MTMR12: variants seen among roughly 807,000 people sequenced by gnomAD.
MTMR12 encodes myotubularin related protein 12, also known as myotubularin-related protein 12.
A neutral mutation model predicts 96.7 loss-of-function variants in MTMR12; 33 were observed. That is an observed-to-expected ratio of 0.34 (90% confidence interval 0.26 to 0.46). The LOEUF is 0.46. Among genes scored for constraint, MTMR12 ranks in the 20% least tolerant of loss-of-function variants. The pLI is 1.00. For missense variants in MTMR12, 721 were observed against 896.1 expected (o/e 0.80, Z 2.49); for synonymous variants, 298 against 327.2 (o/e 0.91, Z 0.96).
rs539863502 is a variant in MTMR12, at chr5:32,241,292, C to T, written c.1171+765G>A. Reference sequence around the variant, plus strand: ...AACAGAGCCCTGCACATGGCAGAGGCTCAATAAATGTATTCAAATCTAAGT... The same window carrying T: ...AACAGAGCCCTGCACATGGCAGAGGTTCAATAAATGTATTCAAATCTAAGT... On this transcript the variant is annotated intron_variant, in intron 12 of 15. Transcript: ENST00000382142. Among the ~76,000 whole-genome samples the T allele has an allele frequency of 8.5e-5, 13 of 152,280 alleles. No homozygotes were observed. The East Asian group carries it at 2.5e-3, about 29-fold the overall frequency.
intron 10 of MTMR12, among the ~76,000 whole-genome samples, chr5:32,246,170 G>GTTTTTTTTTTTTTGTTT (rs1554056247): frequency 3.6e-5 from 3 of 82,766 alleles, no homozygotes; most frequent in South Asian, 4.8e-4. Context: ...TGAGTAGACA[G>GTTTTTTTTTTTTTGTTT]TTTTTTTTTT....
At chr5:32,303,664 G>C (rs1042304269) in intron 1 of MTMR12, among the ~76,000 whole-genome samples, 3 of 152,018 alleles carry the variant, frequency 2.0e-5, no homozygotes, top group Non-Finnish European at 4.4e-5. Flanking sequence ...TGAATTTGTA[G>C]TTGATCAAAA....
chr5:32,266,878 G>C (rs1336766098), intron 6 of MTMR12, among the ~76,000 whole-genome samples: 1 of 151,334 alleles, frequency 6.6e-6, no homozygotes, highest in Non-Finnish European at 1.5e-5. Flanking sequence ...AGGAGTTAGA[G>C]ACCAGCCTGG....
chr5:32,229,818 G>A lies in MTMR12; in HGVS notation c.2204C>T (p.Ala735Val). Residue 735 changes from alanine to valine, a missense_variant, in exon 16 of 16, where the codon GCC becomes GTC. Coordinates refer to ENST00000382142, the MANE Select transcript of MTMR12 (RefSeq NM_001040446.3). ...WKALGDEDDL[A>V]KREDEFVDLG... ...GTCCACGAACTCATCTTCTCGTTTG[G>A]CCAAATCGTCTTCATCTCCCAAAGC... 1 of 1,568,676 alleles carries A rather than the reference G, an allele frequency of 6.4e-7. No homozygotes were observed. Among genetic ancestry groups the A allele is most frequent in the Non-Finnish European group, 8.6e-7 (1 of 1,158,112 alleles).
chr5:32,255,423 C>T (rs1198577604), intron 8 of MTMR12, among the ~76,000 whole-genome samples: 4 of 152,138 alleles, frequency 2.6e-5, no homozygotes, highest in Non-Finnish European at 2.9e-5. Context: ...AGTGTTAAAC[C>T]GGGCTTGCTT....
At chr5:32,271,028 C>T (rs1749812722) in intron 4 of MTMR12, 81 bp from the exon 5 acceptor site, 1 of 1,451,084 alleles carries the variant, frequency 6.9e-7, no homozygotes, top group Admixed American at 2.1e-5. Context: ...AGTAGATGAT[C>T]AACTTCTAGG....
chr5:32,241,807 T>C (rs1748485107), intron 12 of MTMR12, among the ~76,000 whole-genome samples: 2 of 152,240 alleles, frequency 1.3e-5, no homozygotes, highest in Admixed American at 6.5e-5. Context: ...AATGTGAGCT[T>C]TGGTAAAGAT....
In MTMR12 at chr5:32,262,020, C is replaced by T. The variant is rs184043109; in HGVS notation, c.713+1093G>A. Among the ~76,000 whole-genome samples the T allele has an allele frequency of 6.2e-3, 943 of 152,078 alleles. 7 individuals are homozygous for T. Among genetic ancestry groups the T allele is most frequent in the African/African-American group, 0.022 (894 of 41,492 alleles). On this transcript the variant is annotated intron_variant, in intron 7 of 15. Coordinates refer to ENST00000382142, the MANE Select transcript of MTMR12 (RefSeq NM_001040446.3). ...CCAGGAGGCGGAGCTTACAGTGGAC[C>T]GAGATCACGCCACTGCACTCCAGCC...
rs924438685 is a variant in MTMR12, at chr5:32,228,454, A to C, written c.*1324T>G. Reference sequence around the variant, plus strand: ...TTTTTCCTCTTTTATGCGATTTGACAGGGTTCCACTGAGAACAAAAAAATC... The same window carrying C: ...TTTTTCCTCTTTTATGCGATTTGACCGGGTTCCACTGAGAACAAAAAAATC... On this transcript the variant is annotated 3_prime_UTR_variant, in exon 16 of 16. Transcript: ENST00000382142. 2 of 149,868 alleles carry C rather than the reference A, an allele frequency of 1.3e-5. No homozygotes were observed. Among genetic ancestry groups the C allele is most frequent in the African/African-American group, 4.9e-5 (2 of 40,790 alleles). The allele number at this position is 149,868 out of a possible 1,614,324, so 9.3% of individuals were successfully genotyped here.
At chr5:32,280,939 A>C (rs957535538) in intron 1 of MTMR12, among the ~76,000 whole-genome samples, 2 of 151,944 alleles carry the variant, frequency 1.3e-5, no homozygotes, top group Non-Finnish European at 2.9e-5. Context: ...GTAAACAAAG[A>C]GTAGGGGAAT....
At chr5:32,277,927 T>C (rs920925522) in intron 1 of MTMR12, among the ~76,000 whole-genome samples, 1 of 152,178 alleles carries the variant, frequency 6.6e-6, no homozygotes, top group African/African-American at 2.4e-5. Flanking sequence ...TGGGACATTC[T>C]TTGTCCATTC....
intron 13 of MTMR12, among the ~76,000 whole-genome samples, chr5:32,236,847 A>AAAAAAG (rs1554054847): frequency 1.3e-5 from 2 of 151,620 alleles, no homozygotes; most frequent in African/African-American, 4.8e-5. Flanking sequence ...CCAAAAAAAA[A>AAAAAAG]AAAAGAAAAG....
At chr5:32,260,736 G>A (rs1394401048) in intron 7 of MTMR12, among the ~76,000 whole-genome samples, 2 of 148,724 alleles carry the variant, frequency 1.3e-5, no homozygotes, top group African/African-American at 2.4e-5. Context: ...GGGCGGGGGG[G>A]AGGGGGACCA....
intron 1 of MTMR12, among the ~76,000 whole-genome samples, chr5:32,283,429 A>C (rs899202733): frequency 1.1e-4 from 17 of 151,442 alleles, no homozygotes; most frequent in African/African-American, 4.1e-4. Flanking sequence ...TTTATTTATT[A>C]ACTCATTTAA....
intron 1 of MTMR12, among the ~76,000 whole-genome samples, chr5:32,306,637 T>C (rs1157078998): frequency 2.0e-5 from 3 of 152,190 alleles, no homozygotes; most frequent in African/African-American, 4.8e-5. Flanking sequence ...AAACCTTTCC[T>C]GAGCTCATGT....
intron 15 of MTMR12, among the ~76,000 whole-genome samples, chr5:32,231,023 C>A (rs1747974672): frequency 6.6e-6 from 1 of 152,156 alleles, no homozygotes; most frequent in Admixed American, 6.5e-5. Context: ...AGCATTTTCA[C>A]ATTTTCATAT....
In MTMR12 at chr5:32,235,075, G is replaced by A. The variant is rs754672006; in HGVS notation, c.1399C>T (p.Pro467Ser). The A allele has an allele frequency of 1.9e-6, 3 of 1,614,128 alleles. No homozygotes were observed. The highest frequency in any genetic ancestry group is 2.5e-6 in the Non-Finnish European group (3 of 1,179,994). Residue 467 changes from proline to serine, a missense_variant, in exon 14 of 16, where the codon CCC (proline) becomes TCC (serine). Pro to Ser is a moderately conservative substitution (Grantham distance 74). Coordinates refer to ENST00000382142, the MANE Select transcript of MTMR12 (RefSeq NM_001040446.3). Reference sequence around the variant, plus strand: ...GTCTCTGTGAATTCAAATGCCGGGGGATGCTGGTGCACCAGCTGCCAGACA... The same window carrying A: ...GTCTCTGTGAATTCAAATGCCGGGGAATGCTGGTGCACCAGCTGCCAGACA... Reference protein sequence around the residue: ...DCVWQLVHQHPPAFEFTETYL... With the variant: ...DCVWQLVHQHSPAFEFTETYL...
intron 8 of MTMR12, among the ~76,000 whole-genome samples, chr5:32,254,824 A>C (rs890831640): frequency 3.3e-5 from 5 of 152,218 alleles, no homozygotes; most frequent in African/African-American, 1.2e-4. Flanking sequence ...AGCCTGGGCA[A>C]CAAGAGCAAA....
chr5:32,245,511 A>G (rs998850055), intron 10 of MTMR12, among the ~76,000 whole-genome samples: 1 of 152,144 alleles, frequency 6.6e-6, no homozygotes, highest in Non-Finnish European at 1.5e-5. Context: ...ATTTTTCTAC[A>G]AAAGCGTTGG....
Sources: allele counts gnomAD v4.1 joint callset (sites outside exome capture counted in the v4.1 genomes callset), GRCh38; gene constraint gnomAD v4.1.1; transcripts MANE v1.5; gene names NCBI Gene and HGNC (gene_info 2026-07-23, HGNC 2026-07-21).